Variants in LHFPL3 observed in about 807,000 individuals in gnomAD.
LHFPL3 encodes the protein LHFPL tetraspan subfamily member 3 protein.
Under a neutral mutation model 19.3 loss-of-function variants are expected in LHFPL3, and 5 were observed. The observed-to-expected ratio is 0.26, with a 90% confidence interval of 0.14 to 0.54. The LOEUF is 0.54. LHFPL3 is among the 20% of genes least tolerant of loss of function. The pLI is 0.94. For missense variants in LHFPL3, 249 were observed against 307.4 expected, an observed-to-expected ratio of 0.81 and a Z score of 1.42; for synonymous variants, 133 against 126.2, an observed-to-expected ratio of 1.05 and a Z score of -0.36.
chr7:104,394,827 A>C (rs931322486), intron 1 of LHFPL3, among the ~76,000 whole-genome samples: 1 of 151,740 alleles, frequency 6.6e-6, no homozygotes, highest in Non-Finnish European at 1.5e-5. Context: ...CAGCCTCCCG[A>C]GTAGCTGGGA....
intron 2 of LHFPL3, among the ~76,000 whole-genome samples, chr7:104,829,363 G>A (rs968284547): frequency 6.6e-6 from 1 of 151,606 alleles, no homozygotes; most frequent in Admixed American, 6.6e-5. Flanking sequence ...AAGTTTTAGG[G>A]TACATGTGCA....
At chr7:104,628,847 G>T (rs1791591368) in intron 1 of LHFPL3, among the ~76,000 whole-genome samples, 1 of 152,074 alleles carries the variant, frequency 6.6e-6, no homozygotes, top group Non-Finnish European at 1.5e-5. Flanking sequence ...GGACATTTAG[G>T]CTATAATTTT....
At chr7:104,779,734 G>A (rs1225065946) in intron 2 of LHFPL3, among the ~76,000 whole-genome samples, 2 of 152,180 alleles carry the variant, frequency 1.3e-5, no homozygotes, top group Admixed American at 1.3e-4. Context: ...ACTGATATGC[G>A]CTGGCCACTG....
intron 2 of LHFPL3, among the ~76,000 whole-genome samples, chr7:104,825,378 A>G (rs569188673): frequency 1.1e-4 from 17 of 152,038 alleles, no homozygotes; most frequent in Admixed American, 7.9e-4. Flanking sequence ...TGGAAAGATC[A>G]TGGACTTGGG....
chr7:104,383,168 G>A (rs4236567), intron 1 of LHFPL3, among the ~76,000 whole-genome samples: 51,817 of 152,076 alleles, frequency 0.34, 9,188 homozygotes, highest in Admixed American at 0.49. Context: ...TTTAATTCCT[G>A]TGCCTTTAGC....
At chr7:104,851,451 T>C (rs1391171084) in intron 2 of LHFPL3, among the ~76,000 whole-genome samples, 2 of 152,042 alleles carry the variant, frequency 1.3e-5, no homozygotes, top group Non-Finnish European at 2.9e-5. Context: ...GCTTTCCCAA[T>C]AGGACTCAAG....
chr7:104,730,638 G>T (rs1292538665), intron 1 of LHFPL3, among the ~76,000 whole-genome samples: 1 of 152,116 alleles, frequency 6.6e-6, no homozygotes, highest in Non-Finnish European at 1.5e-5. Context: ...GTAGATTCTG[G>T]ATATTAGCCC....
At chr7:104,490,135 G>A (rs912228631) in intron 1 of LHFPL3, among the ~76,000 whole-genome samples, 6 of 152,058 alleles carry the variant, frequency 3.9e-5, no homozygotes, top group Non-Finnish European at 7.4e-5. Context: ...TTGTTTTCAT[G>A]GTTTTACCGT....
intron 1 of LHFPL3, among the ~76,000 whole-genome samples, chr7:104,596,083 C>G (rs1279331083): frequency 1.3e-5 from 2 of 152,206 alleles, no homozygotes; most frequent in Admixed American, 1.3e-4. Flanking sequence ...TCCAATCAGT[C>G]CCAGTGAGAT....
chr7:104,352,221 AG>A (rs1454961495), intron 1 of LHFPL3, among the ~76,000 whole-genome samples: 1 of 151,882 alleles, frequency 6.6e-6, no homozygotes, highest in Non-Finnish European at 1.5e-5. Context: ...AATTGCAAAA[AG>A]AAAATGAATA....
intron 2 of LHFPL3, among the ~76,000 whole-genome samples, chr7:104,762,124 G>T (rs1794380336): frequency 6.6e-6 from 1 of 152,134 alleles, no homozygotes; most frequent in Non-Finnish European, 1.5e-5. Flanking sequence ...AGAGGACTCT[G>T]TTTCGTGTCT....
chr7:104,771,809 T>C (rs1000943937), intron 2 of LHFPL3, among the ~76,000 whole-genome samples: 2 of 145,628 alleles, frequency 1.4e-5, no homozygotes, highest in Admixed American at 7.3e-5. Context: ...ATTTTTCTTT[T>C]GCCTCTCTTT....
intron 1 of LHFPL3, among the ~76,000 whole-genome samples, chr7:104,505,783 T>C (rs1562919011): frequency 6.6e-6 from 1 of 152,320 alleles, no homozygotes; most frequent in East Asian, 1.9e-4. Context: ...AAGCATGTTA[T>C]TGTAATATAA....
At chr7:104,569,883 C>G (rs1159310850) in intron 1 of LHFPL3, among the ~76,000 whole-genome samples, 1 of 152,180 alleles carries the variant, frequency 6.6e-6, no homozygotes, top group Non-Finnish European at 1.5e-5. Context: ...GCTATATGCT[C>G]AACCACTATG....
At chr7:104,548,076 G>T (rs1372866056) in intron 1 of LHFPL3, among the ~76,000 whole-genome samples, 2 of 151,976 alleles carry the variant, frequency 1.3e-5, no homozygotes, top group East Asian at 3.8e-4. Context: ...TTAAAAGCTG[G>T]ATACATTTTT....
chr7:104,372,518 A>C (rs948659281), intron 1 of LHFPL3, among the ~76,000 whole-genome samples: 9 of 152,182 alleles, frequency 5.9e-5, no homozygotes, highest in African/African-American at 1.9e-4. Context: ...CGTTTGATAC[A>C]CTGAGGAGGC....
chr7:104,564,293 C>T (rs73409747), intron 1 of LHFPL3, among the ~76,000 whole-genome samples: 16,773 of 152,190 alleles, frequency 0.11, 1,950 homozygotes, highest in African/African-American at 0.3. Context: ...TTGCTAATCA[C>T]ATCCCAGATG....
intron 1 of LHFPL3, among the ~76,000 whole-genome samples, chr7:104,593,819 A>C (rs1245844585): frequency 6.6e-6 from 1 of 152,108 alleles, no homozygotes; most frequent in African/African-American, 2.4e-5. Flanking sequence ...CTTTTGAACC[A>C]ACAAAGTTGG....
At chr7:104,333,280 ATAAGCTGAAG>A (rs1247222181) in intron 1 of LHFPL3, among the ~76,000 whole-genome samples, 1 of 152,218 alleles carries the variant, frequency 6.6e-6, no homozygotes, top group Non-Finnish European at 1.5e-5. Flanking sequence ...TTTTCTTTTT[ATAAGCTGAAG>A]TATTCAGTGG....
Sources: allele counts gnomAD v4.1 joint callset (sites outside exome capture counted in the v4.1 genomes callset), GRCh38; gene constraint gnomAD v4.1.1; transcripts MANE v1.5; gene names NCBI Gene and HGNC (gene_info 2026-07-23, HGNC 2026-07-21).